Variants in PRKG1 observed in about 807,000 individuals in gnomAD.
PRKG1 encodes the protein protein kinase cGMP-dependent 1.
PRKG1 carries 35 observed loss-of-function variants against 88.1 expected under a neutral mutation model. The observed-to-expected ratio is 0.40, with a 90% CI of 0.30 to 0.53. PRKG1 has a LOEUF of 0.53. Among genes scored for constraint, PRKG1 ranks in the 20% least tolerant of loss-of-function variants. The pLI is 0.59. For missense variants in PRKG1, 540 were observed against 839.8 expected (o/e 0.64, Z 4.41); for synonymous variants, 303 against 292.5 (o/e 1.04, Z -0.37).
At chr10:52,166,797 A>ATATATATG (rs1564498359) in intron 9 of PRKG1, among the ~76,000 whole-genome samples, 8 of 22,686 alleles carry the variant, frequency 3.5e-4, no homozygotes, top group Admixed American at 5.8e-4. Flanking sequence ...CTATATATAT[A>ATATATATG]CATATATATA....
intron 2 of PRKG1, among the ~76,000 whole-genome samples, chr10:51,425,843 A>T (rs1480881430): frequency 6.6e-6 from 1 of 152,232 alleles, no homozygotes; most frequent in Non-Finnish European, 1.5e-5. Context: ...AGCCATACAT[A>T]TGTCAGCAGA....
At chr10:51,704,929 C>T (rs1841568474) in intron 3 of PRKG1, among the ~76,000 whole-genome samples, 2 of 152,158 alleles carry the variant, frequency 1.3e-5, no homozygotes. Flanking sequence ...TATATATTTT[C>T]TACCTAGGCT....
chr10:51,163,999 T>A (rs1210146859), intron 2 of PRKG1, among the ~76,000 whole-genome samples: 1 of 152,118 alleles, frequency 6.6e-6, no homozygotes, highest in Non-Finnish European at 1.5e-5. Flanking sequence ...AGCAGTAACC[T>A]CTGCAGACTT....
At chr10:51,391,781 G>A (rs1246795510) in intron 2 of PRKG1, among the ~76,000 whole-genome samples, 1 of 152,200 alleles carries the variant, frequency 6.6e-6, no homozygotes, top group Non-Finnish European at 1.5e-5. Flanking sequence ...GTTGACATGA[G>A]CATTGACTGC....
At chr10:51,852,415 A>G (rs1282179168) in intron 4 of PRKG1, among the ~76,000 whole-genome samples, 1 of 151,760 alleles carries the variant, frequency 6.6e-6, no homozygotes, top group Non-Finnish European at 1.5e-5. Flanking sequence ...GTAGAGGTGA[A>G]TAACAGAATG....
chr10:51,954,627 C>T (rs1034028021), intron 5 of PRKG1, among the ~76,000 whole-genome samples: 24 of 152,124 alleles, frequency 1.6e-4, no homozygotes, highest in African/African-American at 2.2e-4. Context: ...TGAACATAGA[C>T]GCCCACTTTC....
intron 3 of PRKG1, among the ~76,000 whole-genome samples, chr10:51,600,589 C>A (rs1838572382): frequency 6.6e-6 from 1 of 152,090 alleles, no homozygotes; most frequent in Admixed American, 6.5e-5. Context: ...TGCTATCTCA[C>A]CCAATATATC....
chr10:51,878,536 G>GA, intron 4 of PRKG1, among the ~76,000 whole-genome samples: 1 of 152,064 alleles, frequency 6.6e-6, no homozygotes, highest in African/African-American at 2.4e-5. Flanking sequence ...GGATCACTAA[G>GA]AAAAAAAGTT....
chr10:51,501,701 T>C (rs1841028096), intron 3 of PRKG1, among the ~76,000 whole-genome samples: 1 of 152,086 alleles, frequency 6.6e-6, no homozygotes, highest in African/African-American at 2.4e-5. Flanking sequence ...ACTGATGTTA[T>C]TAACACTTTG....
chr10:51,036,362 A>G (rs1003006579), intron 1 of PRKG1, among the ~76,000 whole-genome samples: 9 of 152,174 alleles, frequency 5.9e-5, no homozygotes, highest in African/African-American at 1.9e-4. Context: ...GATAATGCTA[A>G]AAAACCCATT....
At chr10:51,734,464 C>G (rs1837212313) in intron 3 of PRKG1, among the ~76,000 whole-genome samples, 1 of 151,946 alleles carries the variant, frequency 6.6e-6, no homozygotes, top group East Asian at 1.9e-4. Context: ...GGCCCAAGAG[C>G]ACACAATAAA....
At chr10:52,255,775 G>C (rs1026591882) in intron 10 of PRKG1, among the ~76,000 whole-genome samples, 2 of 151,886 alleles carry the variant, frequency 1.3e-5, no homozygotes, top group Non-Finnish European at 2.9e-5. Flanking sequence ...GAGAGTTAAG[G>C]CATCAACATA....
At chr10:52,177,279 C>T (rs899981225) in intron 9 of PRKG1, among the ~76,000 whole-genome samples, 21 of 151,928 alleles carry the variant, frequency 1.4e-4, no homozygotes, top group Non-Finnish European at 2.8e-4. Context: ...GTTTTTTATC[C>T]TTCATTCTGT....
chr10:52,072,944 T>G (rs926838180), intron 7 of PRKG1, among the ~76,000 whole-genome samples: 11 of 152,208 alleles, frequency 7.2e-5, no homozygotes, highest in African/African-American at 2.4e-4. Flanking sequence ...ACAAACTGGG[T>G]GGCTAAAACA....
chr10:51,187,251 C>T (rs1837516019), intron 2 of PRKG1, among the ~76,000 whole-genome samples: 1 of 151,754 alleles, frequency 6.6e-6, no homozygotes, highest in South Asian at 2.1e-4. Flanking sequence ...GCAAGGGAAG[C>T]TCCCATCTGG....
At chr10:51,657,490 T>G (rs903340721) in intron 3 of PRKG1, among the ~76,000 whole-genome samples, 2 of 152,170 alleles carry the variant, frequency 1.3e-5, no homozygotes, top group South Asian at 4.1e-4. Context: ...TTGCAATCTC[T>G]GAGCACCTGT....
chr10:51,066,672 G>A (rs955873326), intron 1 of PRKG1, among the ~76,000 whole-genome samples: 4 of 151,990 alleles, frequency 2.6e-5, no homozygotes, highest in African/African-American at 7.2e-5. Context: ...TATTTACATG[G>A]TATATACAGT....
At chr10:51,763,268 G>A (rs1838069081) in intron 3 of PRKG1, among the ~76,000 whole-genome samples, 1 of 151,616 alleles carries the variant, frequency 6.6e-6, no homozygotes, top group Non-Finnish European at 1.5e-5. Context: ...ATTCTACTTT[G>A]TCGGCAAGGC....
In PRKG1 at chr10:51,153,233, C is replaced by A; in HGVS notation, c.381C>A (p.Ile127=). The A allele has an allele frequency of 1.9e-6, 3 of 1,612,476 alleles. No homozygotes were observed. The highest frequency in any genetic ancestry group is 2.5e-6 in the Non-Finnish European group (3 of 1,178,970). The part of the protein sequence containing the change: ...DFMKNLELSQ[I]QEIVDCMYPV... Reference sequence around the variant, plus strand: ...TGAAGAACTTGGAGCTGTCGCAGATCCAGGAGATTGTGGATTGTATGTACC... The same window carrying A: ...TGAAGAACTTGGAGCTGTCGCAGATACAGGAGATTGTGGATTGTATGTACC... Residue 127 remains isoleucine, a synonymous_variant, in exon 2 of 18, where the codon ATC becomes ATA. Coordinates refer to ENST00000373980, the MANE Select transcript of PRKG1 (RefSeq NM_006258.4).
Sources: allele counts gnomAD v4.1 joint callset (sites outside exome capture counted in the v4.1 genomes callset), GRCh38; gene constraint gnomAD v4.1.1; transcripts MANE v1.5; gene names NCBI Gene and HGNC (gene_info 2026-07-23, HGNC 2026-07-21).